The following SYT1 variants were observed in gnomAD, a reference collection of about 807,000 sequenced individuals.
The protein encoded by SYT1 is synaptotagmin 1, also known as synaptotagmin-1.
Under a neutral mutation model 44.8 loss-of-function variants are expected in SYT1, and 8 were observed. The ratio of observed to expected loss-of-function variants is 0.18; its 90% confidence interval spans 0.10 to 0.32. The LOEUF (loss-of-function observed/expected upper bound fraction) is 0.32, where lower values mean the gene tolerates loss of function less well. Ranked by LOEUF, SYT1 falls within the 10% of genes least tolerant of loss-of-function variation. The pLI is 1.00. For synonymous variants in SYT1, 154 were observed against 188.8 expected, an observed-to-expected ratio of 0.82 and a Z score of 1.51; for missense variants, 286 against 509.3, an observed-to-expected ratio of 0.56 and a Z score of 4.22.
chr12:79,327,209 A>G (rs777785780), intron 8 of SYT1, among the ~76,000 whole-genome samples: 4 of 152,112 alleles, frequency 2.6e-5, no homozygotes, highest in Non-Finnish European at 4.4e-5. Context: ...AGTACTACAC[A>G]TGCAACAAAC....
chr12:79,093,351 A>G (rs945036594), intron 3 of SYT1, among the ~76,000 whole-genome samples: 1 of 151,794 alleles, frequency 6.6e-6, no homozygotes, highest in Non-Finnish European at 1.5e-5. Context: ...AAAGACTTCA[A>G]AATAAAATGC....
chr12:78,992,387 C>T (rs755748762), intron 2 of SYT1, among the ~76,000 whole-genome samples: 10 of 152,140 alleles, frequency 6.6e-5, no homozygotes, highest in Non-Finnish European at 1.5e-4. Flanking sequence ...TAAGATACAA[C>T]TTTAAATAGT....
chr12:79,068,934 A>AT (rs1565791470), intron 3 of SYT1, among the ~76,000 whole-genome samples: 2 of 152,156 alleles, frequency 1.3e-5, no homozygotes, highest in Admixed American at 1.3e-4. Flanking sequence ...AAAACTCAAC[A>AT]TATCATAAAT....
At chr12:79,045,154 T>C (rs1325625667) in intron 2 of SYT1, among the ~76,000 whole-genome samples, 4 of 152,164 alleles carry the variant, frequency 2.6e-5, no homozygotes, top group Admixed American at 1.3e-4. Context: ...TCCACCCAGT[T>C]CGAGCTTCCC....
intron 3 of SYT1, among the ~76,000 whole-genome samples, chr12:79,100,192 A>G (rs1382804503): frequency 6.6e-6 from 1 of 152,132 alleles, no homozygotes; most frequent in African/African-American, 2.4e-5. Context: ...GAGTACTCAC[A>G]GCAACTGTAC....
At chr12:79,346,828 T>C (rs12322830) in intron 8 of SYT1, among the ~76,000 whole-genome samples, 19,496 of 152,160 alleles carry the variant, frequency 0.13, 2,328 homozygotes, top group African/African-American at 0.32. Flanking sequence ...ATTTCGAAGC[T>C]TTTATTATGT....
intron 4 of SYT1, among the ~76,000 whole-genome samples, chr12:79,255,028 T>G (rs1164481372): frequency 6.6e-6 from 1 of 152,204 alleles, no homozygotes; most frequent in African/African-American, 2.4e-5. Flanking sequence ...TAAACTTATT[T>G]GATAAAGCAG....
chr12:78,894,476 A>T (rs1484146875), intron 1 of SYT1, among the ~76,000 whole-genome samples: 1 of 149,762 alleles, frequency 6.7e-6, no homozygotes, highest in Non-Finnish European at 1.5e-5. Context: ...AAAAAAAGTC[A>T]CTTATTCTTT....
intron 2 of SYT1, among the ~76,000 whole-genome samples, chr12:79,041,090 T>C (rs1381074831): frequency 6.6e-6 from 1 of 152,192 alleles, no homozygotes; most frequent in African/African-American, 2.4e-5. Flanking sequence ...TGGCTTAAGA[T>C]TGACTTGGCA....
chr12:78,973,923 AAAAAAAAAAAAAAAAATATATAT>A (rs1231738573), intron 1 of SYT1, among the ~76,000 whole-genome samples: 1 of 24,022 alleles, frequency 4.2e-5, no homozygotes, highest in African/African-American at 2.1e-4. Flanking sequence ...CACCAAAAAA[AAAAAAAAAAAAAAAAATATATAT>A]ATATATATAT....
intron 9 of SYT1, among the ~76,000 whole-genome samples, chr12:79,410,528 A>C (rs1032469628): frequency 7.2e-6 from 1 of 138,958 alleles, no homozygotes; most frequent in African/African-American, 2.5e-5. Flanking sequence ...AAAAAAAAAA[A>C]CAGAACGACA....
chr12:78,983,112 C>G (rs1291199982), intron 2 of SYT1, among the ~76,000 whole-genome samples: 7 of 151,314 alleles, frequency 4.6e-5, no homozygotes, highest in Admixed American at 3.3e-4. Context: ...GTCAGTAATC[C>G]TACTCTTCAT....
chr12:79,328,827 C>A (rs1325528401), intron 8 of SYT1, among the ~76,000 whole-genome samples: 3 of 142,432 alleles, frequency 2.1e-5, no homozygotes, highest in African/African-American at 7.9e-5. Flanking sequence ...GCCTGGGCGA[C>A]AGAGCGAGAC....
At chr12:79,332,371 C>T (rs953243407) in intron 8 of SYT1, among the ~76,000 whole-genome samples, 2 of 152,152 alleles carry the variant, frequency 1.3e-5, no homozygotes, top group Admixed American at 1.3e-4. Context: ...TTCCCCTAGG[C>T]AAACCAGATG....
intron 3 of SYT1, among the ~76,000 whole-genome samples, chr12:79,143,193 C>T (rs905402994): frequency 6.6e-6 from 1 of 152,086 alleles, no homozygotes; most frequent in Non-Finnish European, 1.5e-5. Flanking sequence ...CAATTGTTAC[C>T]ATAGGAACAA....
intron 10 of SYT1, among the ~76,000 whole-genome samples, chr12:79,448,300 T>A (rs368648536): frequency 2.0e-5 from 3 of 152,300 alleles, no homozygotes; most frequent in East Asian, 3.9e-4. Flanking sequence ...GAAAAAAATA[T>A]CTTTATTACT....
intron 4 of SYT1, among the ~76,000 whole-genome samples, chr12:79,223,650 T>C (rs774472707): frequency 5.3e-5 from 8 of 152,174 alleles, no homozygotes; most frequent in Non-Finnish European, 8.8e-5. Context: ...TAATGCTGCC[T>C]GCTGCTGAGG....
intron 3 of SYT1, among the ~76,000 whole-genome samples, chr12:79,120,704 T>C (rs1007897196): frequency 2.6e-5 from 4 of 152,116 alleles, no homozygotes; most frequent in African/African-American, 7.2e-5. Flanking sequence ...AAAAGTTATA[T>C]GATGTTTCAT....
chr12:78,917,558 T>C (rs1469599624), intron 1 of SYT1, among the ~76,000 whole-genome samples: 1 of 151,124 alleles, frequency 6.6e-6, no homozygotes, highest in Non-Finnish European at 1.5e-5. Flanking sequence ...CAAGTATACA[T>C]ATGTAACAAA....
Sources: allele counts gnomAD v4.1 joint callset (sites outside exome capture counted in the v4.1 genomes callset), GRCh38; gene constraint gnomAD v4.1.1; transcripts MANE v1.5; gene names NCBI Gene and HGNC (gene_info 2026-07-23, HGNC 2026-07-21).